Variants in LNP1 observed in about 807,000 individuals in gnomAD.
LNP1 encodes leukemia NUP98 fusion partner 1.
A neutral mutation model predicts 14.5 loss-of-function variants in LNP1; 12 were observed. The ratio of observed to expected loss-of-function variants is 0.83; its 90% CI spans 0.53 to 1.34. LNP1 has a LOEUF of 1.34. LNP1 is among the 40% of genes most tolerant of loss of function. The pLI is 0.00. For synonymous variants in LNP1, 75 were observed against 71.4 expected, an observed-to-expected ratio of 1.05 and a Z score of -0.26; for missense variants, 198 against 210.9, an observed-to-expected ratio of 0.94 and a Z score of 0.38.
intron 2 of LNP1, among the ~76,000 whole-genome samples, chr3:100,449,660 CA>C (rs879621237): frequency 2.6e-5 from 4 of 151,298 alleles, no homozygotes; most frequent in African/African-American, 4.9e-5. Context: ...AAAATCAAAC[CA>C]AAAAAAACAA....
At chr3:100,431,225 C>G (rs1022594869) in intron 2 of LNP1, among the ~76,000 whole-genome samples, 1 of 152,188 alleles carries the variant, frequency 6.6e-6, no homozygotes, top group Non-Finnish European at 1.5e-5. Context: ...ACATGGTTTA[C>G]TAGTTCCTTG....
intron 1 of LNP1, among the ~76,000 whole-genome samples, chr3:100,425,260 G>A (rs1238136104): frequency 6.6e-6 from 1 of 152,220 alleles, no homozygotes; most frequent in Non-Finnish European, 1.5e-5. Flanking sequence ...TCAGCCTATG[G>A]TTTCCCTGTC....
chr3:100,424,600 T>A (rs952023075), intron 1 of LNP1, among the ~76,000 whole-genome samples: 1 of 152,192 alleles, frequency 6.6e-6, no homozygotes, highest in Non-Finnish European at 1.5e-5. Flanking sequence ...AAACTCCAGA[T>A]TTGCAGAAGA....
chr3:100,419,474 C>A (rs960580592), intron 1 of LNP1, among the ~76,000 whole-genome samples: 1 of 152,028 alleles, frequency 6.6e-6, no homozygotes, highest in African/African-American at 2.4e-5. Flanking sequence ...TCAAATTTCA[C>A]TAGCTATGCA....
chr3:100,440,916 C>G (rs531867715), intron 2 of LNP1, among the ~76,000 whole-genome samples: 95 of 152,248 alleles, frequency 6.2e-4, no homozygotes, highest in African/African-American at 2.0e-3. Flanking sequence ...TGCAGTTTTT[C>G]CTGTGACTGA....
In LNP1 at chr3:100,435,078, TTGTATTTCAGA is replaced by T. The variant is rs1191318840; in HGVS notation, c.156+5207_156+5217del. 6.6e-5 allele frequency among the ~76,000 whole-genome samples: 10 copies of T among 152,308 alleles called. No individual in the cohort carries two copies. The East Asian group carries it at 9.7e-4, about 15-fold the overall frequency. Reference sequence around the variant, plus strand: ...AAGTGTCATGATTGGCAGTGGCTTCTTGTATTTCAGATGTATTTCAGATGATATTTGAATTT... The same window carrying T: ...AAGTGTCATGATTGGCAGTGGCTTCTTGTATTTCAGATGATATTTGAATTT... On this transcript the variant is annotated intron_variant, in intron 2 of 3. Transcript: ENST00000383693.
chr3:100,414,455 G>A (rs532860938), intron 1 of LNP1, among the ~76,000 whole-genome samples: 149 of 152,022 alleles, frequency 9.8e-4, no homozygotes, highest in Non-Finnish European at 1.9e-3. Context: ...ACCGAGGCAG[G>A]AGAATCGCTT....
At chr3:100,441,900 G>A (rs923561459) in intron 2 of LNP1, among the ~76,000 whole-genome samples, 2 of 152,022 alleles carry the variant, frequency 1.3e-5, no homozygotes, top group African/African-American at 4.8e-5. Flanking sequence ...CCTGATGTCA[G>A]GTGATCCACT....
chr3:100,421,828 T>G (rs1205436257), intron 1 of LNP1, among the ~76,000 whole-genome samples: 1 of 152,196 alleles, frequency 6.6e-6, no homozygotes, highest in Non-Finnish European at 1.5e-5. Context: ...CAGAAAAGAA[T>G]GTTATGGAGG....
At chr3:100,441,475 A>G (rs1431288095) in intron 2 of LNP1, among the ~76,000 whole-genome samples, 1 of 152,146 alleles carries the variant, frequency 6.6e-6, no homozygotes, top group Non-Finnish European at 1.5e-5. Flanking sequence ...GATTGATGTC[A>G]TTATATTATA....
intron 1 of LNP1, among the ~76,000 whole-genome samples, chr3:100,418,829 C>T (rs1707116145): frequency 6.6e-6 from 1 of 152,164 alleles, no homozygotes. Flanking sequence ...ACAGTTCAGC[C>T]CTTTCAATCC....
intron 1 of LNP1, among the ~76,000 whole-genome samples, chr3:100,420,861 T>C (rs899599880): frequency 9.2e-5 from 14 of 152,170 alleles, no homozygotes; most frequent in Non-Finnish European, 1.8e-4. Flanking sequence ...GTCTAAGAAC[T>C]CTTGCCTAGC....
At chr3:100,413,845 G>C (rs554123486) in intron 1 of LNP1, among the ~76,000 whole-genome samples, 1 of 152,128 alleles carries the variant, frequency 6.6e-6, no homozygotes, top group African/African-American at 2.4e-5. Context: ...CTCATAAAAG[G>C]CATTCAAACT....
intron 2 of LNP1, among the ~76,000 whole-genome samples, chr3:100,446,843 T>C (rs1707393057): frequency 6.6e-6 from 1 of 152,024 alleles, no homozygotes; most frequent in South Asian, 2.1e-4. Flanking sequence ...AACAGACACA[T>C]GAAAAAATGC....
chr3:100,449,768 A>G (rs577469913), intron 2 of LNP1, among the ~76,000 whole-genome samples: 63 of 152,306 alleles, frequency 4.1e-4, no homozygotes, highest in African/African-American at 1.4e-3. Context: ...TACTTTAGTC[A>G]TTGAGCTCCT....
intron 1 of LNP1, among the ~76,000 whole-genome samples, chr3:100,420,447 G>A (rs1707132848): frequency 6.6e-6 from 1 of 152,090 alleles, no homozygotes; most frequent in Admixed American, 6.6e-5. Flanking sequence ...GAGTAGCTGG[G>A]ACTACAGGTG....
At chr3:100,452,049 T>C (rs1359396657) in intron 3 of LNP1, 100 bp downstream of exon 3, 6 of 655,254 alleles carry the variant, frequency 9.2e-6, no homozygotes, top group African/African-American at 1.8e-5. Context: ...AACTTCTTCA[T>C]TTACAGCTTG....
At chr3:100,444,127 T>G (rs1347907486) in intron 2 of LNP1, among the ~76,000 whole-genome samples, 2 of 152,226 alleles carry the variant, frequency 1.3e-5, no homozygotes. Context: ...TCTTCTATTC[T>G]GATGTCACTG....
At chr3:100,418,528 C>A (rs1448937750) in intron 1 of LNP1, among the ~76,000 whole-genome samples, 1 of 151,778 alleles carries the variant, frequency 6.6e-6, no homozygotes, top group East Asian at 1.9e-4. Context: ...ATTTTCTGTC[C>A]CTCATTTTTA....
Sources: gnomAD v4.1 joint callset for allele counts (sites outside exome capture counted in the v4.1 genomes callset) on GRCh38, gnomAD v4.1.1 for gene constraint, MANE v1.5 for transcripts, NCBI Gene and HGNC (gene_info 2026-07-23, HGNC 2026-07-21) for gene names.